Variants in RHOT1 observed in about 807,000 individuals in gnomAD.
The protein encoded by RHOT1 is ras homolog family member T1, also known as mitochondrial Rho GTPase 1.
RHOT1 carries 27 observed loss-of-function variants against 95.3 expected under a neutral mutation model. That is an observed-to-expected ratio of 0.28 (90% CI 0.21 to 0.39). The LOEUF is 0.39. RHOT1 is among the 10% of genes least tolerant of loss of function. The probability of loss-of-function intolerance (pLI) is 1.00; values close to 1 mark genes in which losing one functional copy is unlikely to be tolerated. For synonymous variants in RHOT1, 227 were observed against 263.5 expected (o/e 0.86, Z 1.34); for missense variants, 578 against 786.7 (o/e 0.73, Z 3.17).
Position 32,149,619 on chromosome 17 carries a change from A to ATGTG in RHOT1, c.37+6891_37+6892insGTGT, listed in dbSNP as rs1422165602. 1.3e-4 allele frequency among the ~76,000 whole-genome samples: 12 copies of ATGTG among 88,922 alleles called. No homozygotes were observed. In the East Asian group the frequency reaches 1.5e-3, roughly 11 times the overall value. 58.3% of individuals were successfully genotyped at this position (88,922 alleles called of 152,430 possible). On this transcript the variant is annotated intron_variant, in intron 1 of 19. Coordinates refer to ENST00000545287, the MANE Select transcript of RHOT1 (RefSeq NM_001033566.3). ...TATATATATATATATATATATATAT[A>ATGTG]TATATATATATATATATGTGTGTGT...
chr17:32,178,499 T>C (rs2035226792), intron 6 of RHOT1, among the ~76,000 whole-genome samples: 1 of 152,168 alleles, frequency 6.6e-6, no homozygotes, highest in Non-Finnish European at 1.5e-5. Flanking sequence ...ATGCTCAGTG[T>C]TGCCCAGGCC....
intron 1 of RHOT1, among the ~76,000 whole-genome samples, chr17:32,149,629 ATATATATG>A (rs1253480140): frequency 1.1e-4 from 10 of 87,468 alleles, no homozygotes; most frequent in Admixed American, 3.3e-4. Flanking sequence ...ATATATATAT[ATATATATG>A]TGTGTGTGTG....
chr17:32,145,147 A>G (rs1221496271), intron 1 of RHOT1, among the ~76,000 whole-genome samples: 1 of 151,902 alleles, frequency 6.6e-6, no homozygotes, highest in Non-Finnish European at 1.5e-5. Context: ...TAACAATACA[A>G]TAATTAGTCA....
rs920212777 is a variant in RHOT1, at chr17:32,203,298, C to T, written c.1332+398C>T. The stretch of plus-strand genomic sequence containing the variant: ...TTTTTTTTTTTTTTTTTTTTTGAGG[C>T]GAGGCATTGCTCTGTTGCCCAGGCT... On this transcript the variant is annotated intron_variant, in intron 15 of 19. Coordinates refer to ENST00000545287, the MANE Select transcript of RHOT1 (RefSeq NM_001033566.3). Among the ~76,000 whole-genome samples the T allele has an allele frequency of 5.8e-5, 5 of 86,098 alleles. No homozygotes were observed. In the Admixed American group the frequency reaches 6.7e-4, roughly 12 times the overall value. 56.5% of individuals were successfully genotyped at this position (86,098 alleles called of 152,430 possible).
Position 32,203,882 on chromosome 17 carries a change from G to A in RHOT1, c.1333-8G>A, listed in dbSNP as rs751727035. 4 of 1,609,258 alleles carry A rather than the reference G, an allele frequency of 2.5e-6. No homozygotes were observed. The Admixed American group carries it at 6.7e-5, about 27-fold the overall frequency. On this transcript the variant is annotated splice_region_variant and splice_polypyrimidine_tract_variant and intron_variant, in intron 15 of 19. Coordinates refer to ENST00000545287, the MANE Select transcript of RHOT1 (RefSeq NM_001033566.3). ...TGCAGATATTGAGATTTTCGGTTCTGTTTTCAGAGGCAGAAGAAAATTCGT... is the reference window on the plus strand; with the variant it reads ...TGCAGATATTGAGATTTTCGGTTCTATTTTCAGAGGCAGAAGAAAATTCGT...
chr17:32,142,526 G>C lies in RHOT1; in HGVS notation c.-167G>C. On this transcript the variant is annotated 5_prime_UTR_variant, in exon 1 of 20. Coordinates refer to ENST00000545287, the MANE Select transcript of RHOT1 (RefSeq NM_001033566.3). Reference sequence around the variant, plus strand: ...CACAGCCCGCTGGGCCGGAGGAGGCGGAGCTGGCGCTGTCCCGGCTCTCTT... The same window carrying C: ...CACAGCCCGCTGGGCCGGAGGAGGCCGAGCTGGCGCTGTCCCGGCTCTCTT... The C allele has an allele frequency of 2.0e-6, 1 of 495,440 alleles. No individual in the cohort carries two copies. Among genetic ancestry groups the C allele is most frequent in the Non-Finnish European group, 3.3e-6 (1 of 305,968 alleles). 30.7% of individuals were successfully genotyped at this position (495,440 alleles called of 1,614,324 possible).
chr17:32,190,033 T>A (rs2036366020), intron 8 of RHOT1, among the ~76,000 whole-genome samples: 1 of 152,192 alleles, frequency 6.6e-6, no homozygotes, highest in Admixed American at 6.5e-5. Flanking sequence ...TATAGCTTTA[T>A]TAAGTAGAAT....
intron 10 of RHOT1, 111 bp downstream of exon 10, chr17:32,193,355 T>C (rs1405494460): frequency 1.4e-6 from 1 of 706,154 alleles, no homozygotes; most frequent in African/African-American, 1.8e-5. Context: ...TAATATTTAC[T>C]AGTATGCCTA....
intron 6 of RHOT1, among the ~76,000 whole-genome samples, chr17:32,181,431 C>T (rs943378198): frequency 6.6e-6 from 1 of 152,176 alleles, no homozygotes; most frequent in South Asian, 2.1e-4. Flanking sequence ...AACCTATCAG[C>T]TGTTTCTGTC....
intron 1 of RHOT1, among the ~76,000 whole-genome samples, chr17:32,149,631 A>ATGTGTGTGTGTG (rs1417047494): frequency 3.7e-4 from 33 of 88,138 alleles, no homozygotes; most frequent in South Asian, 1.8e-3. Flanking sequence ...ATATATATAT[A>ATGTGTGTGTGTG]TATATGTGTG....
At position 32,224,679 on chromosome 17, in the gene RHOT1, T is replaced by C. The variant is rs1328152715; in HGVS notation, c.1926T>C (p.Thr642=). The change falls in exon 20 of 20, where the codon ACT becomes ACC. Residue 642 remains threonine, a synonymous_variant. Coordinates refer to ENST00000545287, the MANE Select transcript of RHOT1 (RefSeq NM_001033566.3). ...GGCTTCGAGCAAGTTTTGGTGCTAC[T>C]GTTTTTGCAGTTTTGGGCTTTGCTA... ...TFWLRASFGA[T]VFAVLGFAMY... 2 of 1,613,748 alleles carry C rather than the reference T, an allele frequency of 1.2e-6. No homozygotes were observed. Among genetic ancestry groups the C allele is most frequent in the Non-Finnish European group, 1.7e-6 (2 of 1,179,756 alleles).
chr17:32,151,010 C>G (rs1390235452), intron 1 of RHOT1: 1 of 1,505,030 alleles, frequency 6.6e-7, no homozygotes, highest in Non-Finnish European at 9.1e-7. Context: ...GTTCCTAAAC[C>G]AAACCTGGGA....
At chr17:32,181,871 A>G (rs2035659988) in intron 6 of RHOT1, among the ~76,000 whole-genome samples, 1 of 152,086 alleles carries the variant, frequency 6.6e-6, no homozygotes, top group Admixed American at 6.6e-5. Flanking sequence ...ACCCCATTTT[A>G]TACCTTTTTC....
chr17:32,168,021 C>A (rs931487493), intron 1 of RHOT1, among the ~76,000 whole-genome samples: 3 of 151,626 alleles, frequency 2.0e-5, no homozygotes, highest in African/African-American at 7.3e-5. Context: ...GTGACAGAGA[C>A]CCCCATCTCT....
chr17:32,199,466 T>C lies in RHOT1; in HGVS notation c.1016T>C (p.Ile339Thr). 1 of 1,613,326 alleles carries C rather than the reference T, an allele frequency of 6.2e-7. No individual in the cohort carries two copies. The highest frequency in any genetic ancestry group is 8.5e-7 in the Non-Finnish European group (1 of 1,179,560). ...GATTTATTTAAAGTTTTCCCTTACATACCTTGGGGGCCAGATGTGAATAAC... is the reference window on the plus strand; with the variant it reads ...GATTTATTTAAAGTTTTCCCTTACACACCTTGGGGGCCAGATGTGAATAAC... ...LKDLFKVFPY[I>T]PWGPDVNNTV... Residue 339 changes from isoleucine to threonine, a missense_variant, in exon 13 of 20, where the codon ATA becomes ACA. Ile to Thr is a moderately conservative substitution (Grantham distance 89). Coordinates refer to ENST00000545287, the MANE Select transcript of RHOT1 (RefSeq NM_001033566.3).
chr17:32,223,384 T>A (rs531774761), intron 19 of RHOT1, among the ~76,000 whole-genome samples: 4 of 152,096 alleles, frequency 2.6e-5, no homozygotes, highest in South Asian at 4.1e-4. Flanking sequence ...ACAGTCTCTC[T>A]AAGCTCTTAA....
At chr17:32,166,778 C>G (rs897476270) in intron 1 of RHOT1, among the ~76,000 whole-genome samples, 4 of 152,206 alleles carry the variant, frequency 2.6e-5, no homozygotes, top group Non-Finnish European at 4.4e-5. Context: ...AATTCTAGCT[C>G]TTTTCTTGCT....
At chr17:32,200,270 A>G (rs1311565089) in intron 13 of RHOT1, among the ~76,000 whole-genome samples, 1 of 152,020 alleles carries the variant, frequency 6.6e-6, no homozygotes, top group Non-Finnish European at 1.5e-5. Context: ...GTCTTCAGGT[A>G]TAGCCTAAGG....
intron 6 of RHOT1, among the ~76,000 whole-genome samples, chr17:32,177,024 C>A (rs2035063252): frequency 6.6e-6 from 1 of 152,076 alleles, no homozygotes; most frequent in South Asian, 2.1e-4. Flanking sequence ...GGTCATTAAC[C>A]CTCTGTCTTA....
Sources: allele counts gnomAD v4.1 joint callset (sites outside exome capture counted in the v4.1 genomes callset), GRCh38; gene constraint gnomAD v4.1.1; transcripts MANE v1.5; gene names NCBI Gene and HGNC (gene_info 2026-07-23, HGNC 2026-07-21).